KCNN2: variants seen among roughly 807,000 people sequenced by gnomAD.
The protein encoded by KCNN2 is potassium calcium-activated channel subfamily N member 2.
KCNN2 carries 24 observed loss-of-function variants against 55.5 expected under a neutral mutation model. The observed-to-expected ratio is 0.43, with a 90% CI of 0.31 to 0.61. KCNN2 has a LOEUF of 0.61. Ranked by LOEUF, KCNN2 falls within the 20% of genes least tolerant of loss-of-function variation. KCNN2 has a pLI of 0.08. For synonymous variants in KCNN2, 431 were observed against 336.1 expected (o/e 1.28, Z -3.09); for missense variants, 754 against 853.6 (o/e 0.88, Z 1.45).
At chr5:114,424,182 G>A (rs1305899610) in intron 3 of KCNN2, among the ~76,000 whole-genome samples, 1 of 152,134 alleles carries the variant, frequency 6.6e-6, no homozygotes, top group African/African-American at 2.4e-5. Context: ...TAATAATCCT[G>A]TATTACTTGC....
chr5:114,193,389 G>A (rs1413385206), intron 1 of KCNN2, among the ~76,000 whole-genome samples: 1 of 152,252 alleles, frequency 6.6e-6, no homozygotes, highest in South Asian at 2.1e-4. Context: ...CTCAGTGCCT[G>A]TGCTCAATCC....
chr5:114,184,573 A>G (rs1217985311), intron 1 of KCNN2, among the ~76,000 whole-genome samples: 1 of 152,116 alleles, frequency 6.6e-6, no homozygotes, highest in Non-Finnish European at 1.5e-5. Context: ...TTTTCATCAA[A>G]TTTGCCTGTG....
intron 2 of KCNN2, among the ~76,000 whole-genome samples, chr5:114,257,796 G>A (rs961664436): frequency 2.0e-5 from 3 of 152,020 alleles, no homozygotes; most frequent in African/African-American, 7.2e-5. Flanking sequence ...CATCAGCAGA[G>A]ATAATTTTAC....
intron 3 of KCNN2, among the ~76,000 whole-genome samples, chr5:114,417,945 T>C (rs559042699): frequency 1.3e-5 from 2 of 152,274 alleles, no homozygotes; most frequent in South Asian, 4.1e-4. Flanking sequence ...AGTCATCTAA[T>C]CCTATCAGGC....
chr5:114,129,555 A>G (rs2112609515), intron 1 of KCNN2, among the ~76,000 whole-genome samples: 1 of 152,340 alleles, frequency 6.6e-6, no homozygotes, highest in South Asian at 2.1e-4. Context: ...CTTTTGAACC[A>G]TCCATTCCAT....
intron 3 of KCNN2, among the ~76,000 whole-genome samples, chr5:114,444,919 G>A (rs906815085): frequency 1.3e-5 from 2 of 152,052 alleles, no homozygotes; most frequent in Non-Finnish European, 2.9e-5. Context: ...ACCCCACATT[G>A]CATCAAGTAC....
intron 3 of KCNN2, among the ~76,000 whole-genome samples, chr5:114,449,879 TAC>T (rs745574908): frequency 0.012 from 1,145 of 93,448 alleles, 11 homozygotes; most frequent in African/African-American, 0.021. Flanking sequence ...CATCCAAACA[TAC>T]ACACACACAC....
At chr5:114,207,473 C>G (rs1455870213) in intron 1 of KCNN2, among the ~76,000 whole-genome samples, 3 of 152,170 alleles carry the variant, frequency 2.0e-5, no homozygotes, top group East Asian at 3.8e-4. Context: ...AATACCCATA[C>G]CTAGTATATT....
intron 2 of KCNN2, among the ~76,000 whole-genome samples, chr5:114,234,841 G>A (rs1754441283): frequency 1.3e-5 from 2 of 152,106 alleles, no homozygotes; most frequent in African/African-American, 4.8e-5. Context: ...AAAGGGAATG[G>A]CCTCTTTAAA....
chr5:114,435,974 C>T (rs758337060), intron 3 of KCNN2, among the ~76,000 whole-genome samples: 1 of 152,126 alleles, frequency 6.6e-6, no homozygotes, highest in Non-Finnish European at 1.5e-5. Context: ...TTTCTGTTTT[C>T]TCTGAAGTAG....
chr5:114,241,383 TA>T (rs1421807485), intron 2 of KCNN2, among the ~76,000 whole-genome samples: 1 of 151,874 alleles, frequency 6.6e-6, no homozygotes, highest in African/African-American at 2.4e-5. Context: ...AGTTATGCCT[TA>T]ACAAAAATTA....
At chr5:114,489,191 T>C (rs1747724491) in intron 6 of KCNN2, among the ~76,000 whole-genome samples, 1 of 152,238 alleles carries the variant, frequency 6.6e-6, no homozygotes, top group Non-Finnish European at 1.5e-5. Context: ...TGGACTATTA[T>C]GTTCAGAATA....
chr5:114,334,922 G>A (rs1467579762), intron 2 of KCNN2, among the ~76,000 whole-genome samples: 1 of 152,028 alleles, frequency 6.6e-6, no homozygotes, highest in Non-Finnish European at 1.5e-5. Flanking sequence ...CCACTTAAGG[G>A]CACATTGCAG....
At chr5:114,231,756 T>A (rs1000140115) in intron 2 of KCNN2, among the ~76,000 whole-genome samples, 5 of 151,146 alleles carry the variant, frequency 3.3e-5, no homozygotes, top group African/African-American at 1.2e-4. Context: ...TTTTATGTAA[T>A]TAGGAAAGGT....
At chr5:114,257,085 A>C (rs1580666867) in intron 2 of KCNN2, among the ~76,000 whole-genome samples, 1 of 6,160 alleles carries the variant, frequency 1.6e-4, no homozygotes, top group Admixed American at 1.8e-3. Context: ...ATAACTATTT[A>C]ATATTCCCAG....
intron 1 of KCNN2, among the ~76,000 whole-genome samples, chr5:114,209,613 G>A (rs564260076): frequency 2.0e-5 from 3 of 152,108 alleles, no homozygotes; most frequent in African/African-American, 7.2e-5. Flanking sequence ...AGTTCCTGAG[G>A]AATGAGGATG....
chr5:114,200,375 A>T (rs1389120538), intron 1 of KCNN2, among the ~76,000 whole-genome samples: 1 of 151,432 alleles, frequency 6.6e-6, no homozygotes, highest in African/African-American at 2.4e-5. Context: ...CTTTTCTCTA[A>T]GATATCTGTC....
At chr5:114,169,884 G>A (rs1409661830) in intron 1 of KCNN2, among the ~76,000 whole-genome samples, 1 of 151,990 alleles carries the variant, frequency 6.6e-6, no homozygotes. Flanking sequence ...CAGAGAAGAT[G>A]GTAATTTTGA....
intron 7 of KCNN2, among the ~76,000 whole-genome samples, chr5:114,494,840 T>C (rs1561420424): frequency 6.6e-6 from 1 of 152,164 alleles, no homozygotes; most frequent in Non-Finnish European, 1.5e-5. Flanking sequence ...ACAAGGTGCC[T>C]ATATTCTGAA....
Sources: allele counts gnomAD v4.1 joint callset (sites outside exome capture counted in the v4.1 genomes callset), GRCh38; gene constraint gnomAD v4.1.1; transcripts MANE v1.5; gene names NCBI Gene and HGNC (gene_info 2026-07-23, HGNC 2026-07-21).